The following EYA2 variants were observed in gnomAD, a reference collection of about 807,000 sequenced individuals.
EYA2 encodes the protein EYA transcriptional coactivator and phosphatase 2.
In EYA2, 31 loss-of-function variants were observed where a neutral mutation model predicts 69.2. The ratio of observed to expected loss-of-function variants is 0.45; its 90% CI spans 0.34 to 0.60. The LOEUF is 0.60. EYA2 is among the 20% of genes least tolerant of loss of function. EYA2 has a pLI of 0.02. For synonymous variants in EYA2, 257 were observed against 279.4 expected (o/e 0.92, Z 0.80); for missense variants, 622 against 701.2 (o/e 0.89, Z 1.28).
At chr20:47,047,676 C>T (rs1373005595) in intron 5 of EYA2, among the ~76,000 whole-genome samples, 5 of 152,150 alleles carry the variant, frequency 3.3e-5, no homozygotes, top group East Asian at 1.9e-4. Context: ...TGTGAGCCAC[C>T]GCGCCCAGCC....
rs375370640 is a variant in EYA2, at chr20:47,089,394, G to C, written c.804+13G>C. 183 of 1,607,450 alleles carry C rather than the reference G, an allele frequency of 1.1e-4. No individual in the cohort carries two copies. Among genetic ancestry groups the C allele is most frequent in the Non-Finnish European group, 1.5e-4 (172 of 1,176,680 alleles). ...CAATGAGATTGAGGTAATCCAAAGGGGCTCTGTGTGACCTGGTGAATGTAA... is the reference window on the plus strand; with the variant it reads ...CAATGAGATTGAGGTAATCCAAAGGCGCTCTGTGTGACCTGGTGAATGTAA... On this transcript the variant is annotated intron_variant, in intron 8 of 15. Coordinates refer to ENST00000327619, the MANE Select transcript of EYA2 (RefSeq NM_005244.5).
intron 9 of EYA2, chr20:47,117,316 C>T: frequency 1.0e-6 from 1 of 964,142 alleles, no homozygotes. Flanking sequence ...AGCCAAGCAT[C>T]TGCATTTAAC....
At chr20:47,136,015 T>G (rs915184812) in intron 9 of EYA2, among the ~76,000 whole-genome samples, 1 of 151,556 alleles carries the variant, frequency 6.6e-6, no homozygotes, top group Non-Finnish European at 1.5e-5. Flanking sequence ...AGTAGACCTG[T>G]CTCAAAAAAG....
Position 47,001,448 on chromosome 20 carries a change from CT to C in EYA2, c.131del (p.Leu44ArgfsTer64). ...TGCAGGCATCACCAAATCGGCCCCCCTGAGAGTGTCCCAGCTCTTCTCCAGG... is the reference window on the plus strand; with the variant it reads ...TGCAGGCATCACCAAATCGGCCCCCCGAGAGTGTCCCAGCTCTTCTCCAGG... Reference protein sequence around the residue: ...DRQGITKSAPLRVSQLFSRSC... With the variant: ...DRQGITKSAPXRVSQLFSRSC... On this transcript the variant is annotated frameshift_variant, in exon 3 of 16. Transcript: ENST00000327619. LOFTEE classifies it high-confidence loss of function. 1 of 1,614,206 alleles carries C rather than the reference CT, an allele frequency of 6.2e-7. No homozygotes were observed. Among genetic ancestry groups the C allele is most frequent in the East Asian group, 2.2e-5 (1 of 44,880 alleles).
At chr20:47,144,079 C>T (rs866165382) in intron 10 of EYA2, among the ~76,000 whole-genome samples, 6 of 152,316 alleles carry the variant, frequency 3.9e-5, no homozygotes, top group East Asian at 3.9e-4. Context: ...GGCAACCGGC[C>T]GGGCGCGGTG....
intron 9 of EYA2, among the ~76,000 whole-genome samples, chr20:47,121,539 T>C (rs1452423712): frequency 6.6e-6 from 1 of 152,230 alleles, no homozygotes; most frequent in Non-Finnish European, 1.5e-5. Context: ...ACTTTTATGA[T>C]GACTTTCAGT....
At chr20:46,953,806 A>G (rs1469259092) in intron 1 of EYA2, among the ~76,000 whole-genome samples, 1 of 152,194 alleles carries the variant, frequency 6.6e-6, no homozygotes, top group Non-Finnish European at 1.5e-5. Context: ...TGTGGTTTCC[A>G]ACTTTCCTTG....
intron 9 of EYA2, chr20:47,117,403 T>C (rs1412186797): frequency 1.0e-6 from 1 of 985,324 alleles, no homozygotes; most frequent in Admixed American, 6.1e-5. Flanking sequence ...TGTTGGCTTT[T>C]CTTGCAGATC....
chr20:47,114,706 A>G (rs1408660005), intron 9 of EYA2, among the ~76,000 whole-genome samples: 5 of 152,364 alleles, frequency 3.3e-5, no homozygotes, highest in East Asian at 3.9e-4. Flanking sequence ...ATGTTAAATT[A>G]TAATCCCCAG....
chr20:46,909,187 T>C (rs1292423161), intron 1 of EYA2, among the ~76,000 whole-genome samples: 2 of 152,174 alleles, frequency 1.3e-5, no homozygotes, highest in African/African-American at 4.8e-5. Flanking sequence ...TTTGCAGGTC[T>C]CATAAATGGT....
At chr20:46,897,240 G>C (rs1414459346) in intron 1 of EYA2, among the ~76,000 whole-genome samples, 1 of 152,172 alleles carries the variant, frequency 6.6e-6, no homozygotes, top group Admixed American at 6.5e-5. Flanking sequence ...TAAAATGCTA[G>C]CTGCTGTTGG....
At chr20:47,142,371 A>G (rs916248326) in intron 9 of EYA2, among the ~76,000 whole-genome samples, 2 of 152,186 alleles carry the variant, frequency 1.3e-5, no homozygotes, top group African/African-American at 4.8e-5. Flanking sequence ...CAAGTGTGCA[A>G]ATTCATACGT....
At chr20:47,097,873 G>C (rs953086153) in intron 9 of EYA2, among the ~76,000 whole-genome samples, 2 of 152,186 alleles carry the variant, frequency 1.3e-5, no homozygotes, top group Non-Finnish European at 2.9e-5. Flanking sequence ...GGCACGCATG[G>C]GGTGGAAGGG....
intron 7 of EYA2, among the ~76,000 whole-genome samples, chr20:47,075,543 A>G (rs1339376432): frequency 1.3e-5 from 2 of 152,024 alleles, no homozygotes; most frequent in Non-Finnish European, 2.9e-5. Context: ...CTGGCTGTGT[A>G]CGGCCAGGAA....
intron 10 of EYA2, among the ~76,000 whole-genome samples, chr20:47,159,382 C>G (rs2034019065): frequency 6.6e-6 from 1 of 151,948 alleles, no homozygotes; most frequent in South Asian, 2.1e-4. Flanking sequence ...TTACAAAATA[C>G]CTGACCAGTT....
chr20:47,101,111 G>T (rs762911924), intron 9 of EYA2, among the ~76,000 whole-genome samples: 40 of 151,946 alleles, frequency 2.6e-4, no homozygotes, highest in Non-Finnish European at 4.9e-4. Flanking sequence ...TTAGAGACAG[G>T]GTCTTGCTCT....
chr20:47,037,089 G>A (rs991234188), intron 5 of EYA2, among the ~76,000 whole-genome samples: 1 of 152,176 alleles, frequency 6.6e-6, no homozygotes, highest in Non-Finnish European at 1.5e-5. Context: ...TCATAAGGTG[G>A]CAGGAAGGAG....
At chr20:46,977,457 G>C (rs1568698892) in intron 1 of EYA2, among the ~76,000 whole-genome samples, 1 of 152,212 alleles carries the variant, frequency 6.6e-6, no homozygotes, top group African/African-American at 2.4e-5. Context: ...CTTCAGGAGA[G>C]CAGGAACTTG....
chr20:46,897,757 C>T (rs985554337), intron 1 of EYA2, among the ~76,000 whole-genome samples: 3 of 152,184 alleles, frequency 2.0e-5, no homozygotes, highest in Non-Finnish European at 4.4e-5. Flanking sequence ...GAGGTGCCTT[C>T]TTTAGACACA....
Sources: allele counts gnomAD v4.1 joint callset (sites outside exome capture counted in the v4.1 genomes callset), GRCh38; gene constraint gnomAD v4.1.1; transcripts MANE v1.5; gene names NCBI Gene and HGNC (gene_info 2026-07-23, HGNC 2026-07-21).